ARMC2: variants seen among roughly 807,000 people sequenced by gnomAD.
The protein encoded by ARMC2 is armadillo repeat containing 2, also known as armadillo repeat-containing protein 2.
Under a neutral mutation model 90.3 loss-of-function variants are expected in ARMC2, and 67 were observed. The observed-to-expected ratio is 0.74, with a 90% CI of 0.61 to 0.91. The LOEUF (loss-of-function observed/expected upper bound fraction) is 0.91. ARMC2 is among the 40% of genes least tolerant of loss of function. ARMC2 has a pLI of 0.00. For missense variants in ARMC2, 920 were observed against 1,030.9 expected (o/e 0.89, Z 1.47); for synonymous variants, 393 against 393.0 (o/e 1.00, Z 0.00).
chr6:109,045,000 G>C, the ARMC2 span, among the ~76,000 whole-genome samples: 1 of 151,236 alleles, frequency 6.6e-6, no homozygotes, highest in Non-Finnish European at 1.5e-5. Context: ...TCCATCCTGG[G>C]CAACAAGAGC....
At chr6:108,874,305 A>G (rs931797935) in intron 4 of ARMC2, among the ~76,000 whole-genome samples, 50 of 152,368 alleles carry the variant, frequency 3.3e-4, no homozygotes, top group African/African-American at 1.2e-3. Flanking sequence ...TAGAAGCTCC[A>G]TGATGGCTGG....
At chr6:108,910,167 A>G (rs1284094580) in intron 8 of ARMC2, among the ~76,000 whole-genome samples, 1 of 152,142 alleles carries the variant, frequency 6.6e-6, no homozygotes, top group Non-Finnish European at 1.5e-5. Context: ...ATAATCGCAT[A>G]TATAAATATG....
the ARMC2 span, among the ~76,000 whole-genome samples, chr6:109,030,150 A>G: frequency 6.6e-6 from 1 of 152,186 alleles, no homozygotes. Flanking sequence ...GTCCTGTGTT[A>G]GCATAAGCAA....
the ARMC2 span, chr6:108,987,562 A>G: frequency 6.3e-7 from 1 of 1,597,134 alleles, no homozygotes; most frequent in Non-Finnish European, 8.6e-7. Context: ...TATAGCGGGT[A>G]ATGGCTCTCA....
the ARMC2 span, among the ~76,000 whole-genome samples, chr6:109,049,421 T>C: frequency 2.0e-5 from 3 of 152,030 alleles, no homozygotes; most frequent in Non-Finnish European, 4.4e-5. Flanking sequence ...TCTGCTAAAG[T>C]ATACAAAATT....
chr6:108,882,405 C>T (rs1777681201), intron 5 of ARMC2, among the ~76,000 whole-genome samples: 1 of 148,990 alleles, frequency 6.7e-6, no homozygotes, highest in South Asian at 2.1e-4. Flanking sequence ...TGCCACTGCA[C>T]TCCAGCCTAG....
chr6:108,899,344 A>G (rs1406584825), intron 6 of ARMC2, among the ~76,000 whole-genome samples: 1 of 152,170 alleles, frequency 6.6e-6, no homozygotes, highest in Non-Finnish European at 1.5e-5. Flanking sequence ...TTCTTTATAT[A>G]TCTATAGTTA....
At chr6:109,049,254 A>T in the ARMC2 span, among the ~76,000 whole-genome samples, 4 of 152,212 alleles carry the variant, frequency 2.6e-5, no homozygotes, top group Non-Finnish European at 5.9e-5. Flanking sequence ...TGAATTTATG[A>T]TAAGTAAAAT....
chr6:109,005,304 G>A, the ARMC2 span, among the ~76,000 whole-genome samples: 1 of 152,080 alleles, frequency 6.6e-6, no homozygotes, highest in Non-Finnish European at 1.5e-5. Context: ...TACAATAATG[G>A]GGAAGGGGAG....
chr6:108,971,342 T>C (rs1562443005), intron 17 of ARMC2, among the ~76,000 whole-genome samples: 2 of 152,136 alleles, frequency 1.3e-5, no homozygotes, highest in African/African-American at 4.8e-5. Flanking sequence ...AGTTATCTCA[T>C]GGGTGGGGAG....
At chr6:109,042,025 T>G in the ARMC2 span, among the ~76,000 whole-genome samples, 1 of 151,860 alleles carries the variant, frequency 6.6e-6, no homozygotes, top group Non-Finnish European at 1.5e-5. Flanking sequence ...GAAATCACAC[T>G]AGAAGTAAAT....
At chr6:108,931,289 T>C (rs1003891298) in intron 11 of ARMC2, among the ~76,000 whole-genome samples, 1 of 151,948 alleles carries the variant, frequency 6.6e-6, no homozygotes, top group South Asian at 2.1e-4. Flanking sequence ...TTCCATGGTG[T>C]ATAGGTACCA....
chr6:108,958,697 G>A (rs1430528977), intron 13 of ARMC2, among the ~76,000 whole-genome samples: 1 of 152,186 alleles, frequency 6.6e-6, no homozygotes, highest in Non-Finnish European at 1.5e-5. Flanking sequence ...ATTCACCTGA[G>A]CTGCTCCCCA....
chr6:108,899,828 G>GT (rs374345051), intron 7 of ARMC2, 36 bp downstream of exon 7: 17,973 of 1,356,910 alleles, frequency 0.013, no homozygotes, highest in Non-Finnish European at 0.014. Context: ...AACCGTTTTT[G>GT]TTTTTTTTTT....
chr6:108,937,980 G>C (rs948938644), intron 12 of ARMC2, among the ~76,000 whole-genome samples: 1 of 152,152 alleles, frequency 6.6e-6, no homozygotes. Flanking sequence ...GATTATAGGC[G>C]TGAGCCACTG....
At chr6:109,002,469 G>A in the ARMC2 span, 3 of 694,386 alleles carry the variant, frequency 4.3e-6, no homozygotes, top group South Asian at 4.9e-5. Context: ...TTGTTTTCAT[G>A]GCTGTATATA....
At chr6:109,025,340 A>G in the ARMC2 span, among the ~76,000 whole-genome samples, 7 of 152,012 alleles carry the variant, frequency 4.6e-5, no homozygotes, top group Non-Finnish European at 8.8e-5. Context: ...TATTTAGTAT[A>G]AAGTGGGCTG....
At chr6:109,030,594 G>A in the ARMC2 span, among the ~76,000 whole-genome samples, 2 of 152,068 alleles carry the variant, frequency 1.3e-5, no homozygotes, top group South Asian at 2.1e-4. Flanking sequence ...GCTGGGATGT[G>A]GCTTAGAGAA....
Position 108,882,239 on chromosome 6 carries a change from A to G in ARMC2, c.671+5889A>G, listed in dbSNP as rs998857787. ...ATCATGAGGTCAGGAGATCAAGACC[A>G]TCCTGGCTAACATGGTGAAACCCTG... is the stretch of plus-strand genomic sequence containing the variant. On this transcript the variant is annotated intron_variant, in intron 5 of 17. Transcript: ENST00000392644. Among the ~76,000 whole-genome samples the G allele has an allele frequency of 3.0e-4, 46 of 152,116 alleles. 1 individual carries two copies. The highest frequency in any genetic ancestry group is 1.0e-3 in the African/African-American group (42 of 41,434).
Sources: allele counts gnomAD v4.1 joint callset (sites outside exome capture counted in the v4.1 genomes callset), GRCh38; gene constraint gnomAD v4.1.1; transcripts MANE v1.5; gene names NCBI Gene and HGNC (gene_info 2026-07-23, HGNC 2026-07-21).